Variants in KCNQ5 observed in about 807,000 individuals in gnomAD.
KCNQ5 encodes potassium voltage-gated channel subfamily Q member 5.
Under a neutral mutation model 98.2 loss-of-function variants are expected in KCNQ5, and 30 were observed. The observed-to-expected ratio is 0.31, with a 90% CI of 0.23 to 0.41. The LOEUF is 0.41. Among genes scored for constraint, KCNQ5 ranks in the 10% least tolerant of loss-of-function variants. The pLI is 1.00. For synonymous variants in KCNQ5, 458 were observed against 449.4 expected (o/e 1.02, Z -0.24); for missense variants, 835 against 1,182.5 (o/e 0.71, Z 4.31).
At chr6:72,644,906 C>G (rs1485773286) in intron 1 of KCNQ5, among the ~76,000 whole-genome samples, 3 of 152,228 alleles carry the variant, frequency 2.0e-5, no homozygotes, top group African/African-American at 4.8e-5. Context: ...CTGAATCAGG[C>G]TCCTGGAAAA....
chr6:72,803,455 C>T (rs1774772325), intron 1 of KCNQ5, among the ~76,000 whole-genome samples: 1 of 152,096 alleles, frequency 6.6e-6, no homozygotes, highest in Admixed American at 6.6e-5. Context: ...AAAGTTTATG[C>T]TTAATGGTTT....
chr6:72,911,782 T>C (rs1779950012), intron 1 of KCNQ5, among the ~76,000 whole-genome samples: 1 of 152,130 alleles, frequency 6.6e-6, no homozygotes, highest in Non-Finnish European at 1.5e-5. Flanking sequence ...GTTTTTATGG[T>C]GTGTCCAAAT....
chr6:73,183,218 A>T (rs1370605608), intron 11 of KCNQ5, among the ~76,000 whole-genome samples: 1 of 152,230 alleles, frequency 6.6e-6, no homozygotes. Context: ...TCTGTGTTGC[A>T]GCACTGTGAG....
At position 72,738,048 on chromosome 6, in the gene KCNQ5, A is replaced by T. The variant is rs151116151; in HGVS notation, c.398+115461A>T. Among the ~76,000 whole-genome samples the T allele has an allele frequency of 1.2e-3, 177 of 152,144 alleles. 1 individual carries two copies. Among genetic ancestry groups the T allele is most frequent in the African/African-American group, 4.0e-3 (168 of 41,520 alleles). Reference sequence around the variant, plus strand: ...CGGGCGCCTGTAGTTCCAACTACTCAGGAGGCTGAGGCAGGAGAATGGCGT... The same window carrying T: ...CGGGCGCCTGTAGTTCCAACTACTCTGGAGGCTGAGGCAGGAGAATGGCGT... On this transcript the variant is annotated intron_variant, in intron 1 of 13. Coordinates refer to ENST00000370398, the MANE Select transcript of KCNQ5 (RefSeq NM_019842.4).
chr6:72,699,980 T>A (rs935906406), intron 1 of KCNQ5, among the ~76,000 whole-genome samples: 2 of 152,180 alleles, frequency 1.3e-5, no homozygotes, highest in African/African-American at 4.8e-5. Flanking sequence ...AAAATAAGGA[T>A]AAGAACTAGA....
chr6:72,868,246 G>A (rs1476326927), intron 1 of KCNQ5, among the ~76,000 whole-genome samples: 1 of 152,200 alleles, frequency 6.6e-6, no homozygotes, highest in Non-Finnish European at 1.5e-5. Context: ...TAGAAGAGAT[G>A]CCTTTTTGTA....
chr6:73,192,434 G>C (rs1392858395), intron 12 of KCNQ5, 131 bp from the exon 13 acceptor site: 1 of 771,578 alleles, frequency 1.3e-6, no homozygotes, highest in African/African-American at 1.8e-5. Flanking sequence ...ACTGGAACAA[G>C]TTCTTTCTTA....
intron 1 of KCNQ5, among the ~76,000 whole-genome samples, chr6:72,753,330 A>G (rs573989003): frequency 4.6e-5 from 7 of 152,210 alleles, no homozygotes; most frequent in African/African-American, 1.7e-4. Context: ...CAGGTATACC[A>G]TAAAAGGATA....
intron 1 of KCNQ5, among the ~76,000 whole-genome samples, chr6:72,940,985 A>C (rs571895316): frequency 1.3e-5 from 2 of 152,316 alleles, no homozygotes; most frequent in South Asian, 2.1e-4. Context: ...AGATGACTGA[A>C]AAAAAATACG....
At chr6:73,157,843 C>A in intron 10 of KCNQ5, 1 of 779,646 alleles carries the variant, frequency 1.3e-6, no homozygotes, top group Non-Finnish European at 2.4e-6. Context: ...AAACTCTAGC[C>A]TCATGATCTG....
At chr6:72,925,112 T>C (rs1780574833) in intron 1 of KCNQ5, among the ~76,000 whole-genome samples, 1 of 152,188 alleles carries the variant, frequency 6.6e-6, no homozygotes, top group Non-Finnish European at 1.5e-5. Context: ...CAGTAAAACA[T>C]TAGCACCTCT....
At chr6:72,645,221 A>AG (rs1180638957) in intron 1 of KCNQ5, among the ~76,000 whole-genome samples, 3 of 109,538 alleles carry the variant, frequency 2.7e-5, no homozygotes, top group African/African-American at 1.1e-4. Flanking sequence ...AAACAAAAAA[A>AG]AACAAAAAAA....
chr6:72,699,943 G>A (rs1768708545), intron 1 of KCNQ5, among the ~76,000 whole-genome samples: 1 of 152,062 alleles, frequency 6.6e-6, no homozygotes, highest in South Asian at 2.1e-4. Flanking sequence ...ATAATTAATT[G>A]TTCCTTATTG....
chr6:72,911,718 T>G (rs1779947888), intron 1 of KCNQ5, among the ~76,000 whole-genome samples: 1 of 152,036 alleles, frequency 6.6e-6, no homozygotes, highest in East Asian at 1.9e-4. Context: ...TGTCAGTGAG[T>G]GTGCATTAGG....
chr6:72,882,044 A>G (rs1319651760), intron 1 of KCNQ5, among the ~76,000 whole-genome samples: 1 of 152,222 alleles, frequency 6.6e-6, no homozygotes, highest in Non-Finnish European at 1.5e-5. Flanking sequence ...CAATTCAGTC[A>G]TTATTTTTAG....
chr6:72,798,032 T>C (rs552401573), intron 1 of KCNQ5, among the ~76,000 whole-genome samples: 6 of 152,216 alleles, frequency 3.9e-5, no homozygotes, highest in African/African-American at 1.4e-4. Context: ...ATGCAAGATA[T>C]AAAATACTAA....
chr6:72,721,910 G>A (rs1034212995), intron 1 of KCNQ5, among the ~76,000 whole-genome samples: 2 of 152,088 alleles, frequency 1.3e-5, no homozygotes, highest in Admixed American at 6.6e-5. Context: ...CTGGGAATAG[G>A]GTACCTTATT....
chr6:73,166,115 A>G (rs1054887223), intron 10 of KCNQ5, among the ~76,000 whole-genome samples: 1 of 151,674 alleles, frequency 6.6e-6, no homozygotes, highest in Non-Finnish European at 1.5e-5. Context: ...CACTTTCATA[A>G]TCTATAAAAC....
chr6:73,130,354 T>C (rs910474819), intron 9 of KCNQ5, among the ~76,000 whole-genome samples: 3 of 152,146 alleles, frequency 2.0e-5, no homozygotes, highest in Non-Finnish European at 4.4e-5. Context: ...GTACATCTGG[T>C]TCCTAGAGAT....
Sources: gnomAD v4.1 joint callset for allele counts (sites outside exome capture counted in the v4.1 genomes callset) on GRCh38, gnomAD v4.1.1 for gene constraint, MANE v1.5 for transcripts, NCBI Gene and HGNC (gene_info 2026-07-23, HGNC 2026-07-21) for gene names.